The following AKAP8 variants were observed in gnomAD, a reference collection of about 807,000 sequenced individuals.
AKAP8 encodes the protein A-kinase anchoring protein 8.
A neutral mutation model predicts 67.5 loss-of-function variants in AKAP8; 24 were observed. That is an observed-to-expected ratio of 0.36 (90% confidence interval 0.26 to 0.50). The LOEUF (loss-of-function observed/expected upper bound fraction) is 0.50, where lower values mean the gene tolerates loss of function less well. Among genes scored for constraint, AKAP8 ranks in the 20% least tolerant of loss-of-function variants. AKAP8 has a pLI of 0.97. For synonymous variants in AKAP8, 400 were observed against 371.1 expected (o/e 1.08, Z -0.90); for missense variants, 971 against 955.9 (o/e 1.02, Z -0.21).
chr19:15,367,148 C>T (rs949774240), intron 9 of AKAP8, among the ~76,000 whole-genome samples: 2 of 152,210 alleles, frequency 1.3e-5, no homozygotes, highest in Non-Finnish European at 1.5e-5. Context: ...CTCAAGCGAT[C>T]CGCCAGCTCA....
intron 8 of AKAP8, 124 bp downstream of exon 8, chr19:15,370,022 G>GC: frequency 8.4e-7 from 1 of 1,194,650 alleles, no homozygotes; most frequent in Non-Finnish European, 1.2e-6. Flanking sequence ...GGTGGCTGCA[G>GC]CCCCTCTTCC....
At chr19:15,360,705 A>C in intron 12 of AKAP8, 143 bp downstream of exon 12, 1 of 1,074,652 alleles carries the variant, frequency 9.3e-7, no homozygotes, top group Non-Finnish European at 1.3e-6. Context: ...ATTGAGACGA[A>C]TCTTACGACC....
chr19:15,379,702 C>T lies in AKAP8; in HGVS notation c.19+11G>A, dbSNP rs1226749367. On this transcript the variant is annotated intron_variant, in intron 1 of 13. Transcript: ENST00000269701. ...TCCCTCCCCGCTCCGCACCCAGCAG[C>T]CAACACAAACCTCCGTAGCCCTGGT... 1 of 1,609,182 alleles carries T rather than the reference C, an allele frequency of 6.2e-7. No homozygotes were observed. The highest frequency in any genetic ancestry group is 2.3e-5 in the East Asian group (1 of 44,402).
At position 15,373,331 on chromosome 19, in the gene AKAP8, G is replaced by T. The variant is rs1297501890; in HGVS notation, c.381C>A (p.Arg127=). 1 of 1,606,554 alleles carries T rather than the reference G, an allele frequency of 6.2e-7. No individual in the cohort carries two copies. The highest frequency in any genetic ancestry group is 8.5e-7 in the Non-Finnish European group (1 of 1,176,176). Residue 127 remains arginine, a synonymous_variant, in exon 5 of 14, where the codon CGC becomes CGA. Transcript: ENST00000269701. ...EGIQDRESSF[R]FQPFESYDSR... ...AGTCATAGGACTCGAACGGCTGGAA[G>T]CGGAAGGAGCTGCAACAGAAGCACA...
intron 6 of AKAP8, 57 bp downstream of exon 6, chr19:15,372,161 C>T: frequency 6.2e-7 from 1 of 1,609,532 alleles, no homozygotes; most frequent in Non-Finnish European, 8.5e-7. Context: ...GCAGAGCCCC[C>T]AGCAGGCAGC....
chr19:15,379,443 GC>G (rs936785154), intron 1 of AKAP8: 16 of 452,526 alleles, frequency 3.5e-5, no homozygotes, highest in Non-Finnish European at 6.2e-5. Context: ...TGTCTAAGAC[GC>G]CCCCACGAAG....
At chr19:15,372,096 C>T in intron 6 of AKAP8, 98 bp from the exon 7 acceptor site, 1 of 1,608,408 alleles carries the variant, frequency 6.2e-7, no homozygotes, top group Non-Finnish European at 8.5e-7. Flanking sequence ...TCTGCCCTGA[C>T]CACAGTGGGG....
chr19:15,368,488 G>A (rs1967104607), intron 8 of AKAP8, 166 bp from the exon 9 acceptor site: 1 of 985,162 alleles, frequency 1.0e-6, no homozygotes, highest in Admixed American at 6.2e-5. Flanking sequence ...AGAGACTCCT[G>A]GTGGACACGG....
At chr19:15,365,728 G>C (rs1416391022) in intron 9 of AKAP8, among the ~76,000 whole-genome samples, 1 of 152,112 alleles carries the variant, frequency 6.6e-6, no homozygotes, top group African/African-American at 2.4e-5. Context: ...GTCCCTTCGA[G>C]ATCCTCAGTC....
At chr19:15,363,780 G>C (rs1311423117) in intron 9 of AKAP8, among the ~76,000 whole-genome samples, 1 of 152,210 alleles carries the variant, frequency 6.6e-6, no homozygotes, top group African/African-American at 2.4e-5. Flanking sequence ...GAAAGAGGTA[G>C]ACGTGGGAGA....
At chr19:15,372,453 T>A in intron 5 of AKAP8, 106 bp from the exon 6 acceptor site, 1 of 1,450,394 alleles carries the variant, frequency 6.9e-7, no homozygotes, top group South Asian at 1.3e-5. Flanking sequence ...GCACAAAAGG[T>A]CTTTTCAAAA....
intron 8 of AKAP8, chr19:15,368,714 T>C: frequency 1.0e-6 from 1 of 985,320 alleles, no homozygotes; most frequent in East Asian, 1.1e-4. Flanking sequence ...AGGCGGCAGC[T>C]GAAGGCCTCA....
intron 8 of AKAP8, chr19:15,368,957 C>T (rs1450428938): frequency 8.1e-6 from 8 of 985,832 alleles, no homozygotes; most frequent in South Asian, 9.4e-5. Context: ...GTCCGTCCCC[C>T]GGGGCCAGCA....
At chr19:15,358,943 T>C in intron 13 of AKAP8, 24 bp downstream of exon 13, 11 of 1,605,988 alleles carry the variant, frequency 6.8e-6, no homozygotes, top group South Asian at 1.1e-5. Context: ...GCTTTTCCTG[T>C]CTGTGGTACT....
At chr19:15,360,557 C>T (rs929946421) in intron 12 of AKAP8, among the ~76,000 whole-genome samples, 1 of 152,188 alleles carries the variant, frequency 6.6e-6, no homozygotes, top group Non-Finnish European at 1.5e-5. Context: ...TTTCAATGGC[C>T]CTTCGGTCTC....
At chr19:15,363,609 G>A (rs1159138519) in intron 9 of AKAP8, among the ~76,000 whole-genome samples, 1 of 151,474 alleles carries the variant, frequency 6.6e-6, no homozygotes, top group Admixed American at 6.6e-5. Flanking sequence ...CGCCCCTACT[G>A]GGAAGTGAGG....
chr19:15,354,962 C>A lies in AKAP8; in HGVS notation c.2032G>T (p.Val678Leu), dbSNP rs1305220315. 6.2e-7 allele frequency: 1 copy of A among 1,614,226 alleles called. No homozygotes were observed. The highest frequency in any genetic ancestry group is 1.7e-5 in the Admixed American group (1 of 60,028). ...TTAGACTCTGCATCAGTTTGTTCCA[C>A]TTCAGCATCCGCGGCAGCTGGGGCA... ...APAPAAADAE[V>L]EQTDAESKDA... The change falls in exon 14 of 14, where the codon GTG becomes TTG. Residue 678 changes from valine to leucine, a missense_variant. Physicochemically the swap from Val to Leu is conservative, Grantham distance 32. Transcript: ENST00000269701.
intron 13 of AKAP8, among the ~76,000 whole-genome samples, chr19:15,357,159 C>G (rs1966895115): frequency 6.6e-6 from 1 of 151,464 alleles, no homozygotes; most frequent in African/African-American, 2.4e-5. Flanking sequence ...TGGGGTTTCA[C>G]CATCTTGGCC....
chr19:15,368,847 C>CT, intron 8 of AKAP8: 1 of 985,286 alleles, frequency 1.0e-6, no homozygotes, highest in Non-Finnish European at 1.2e-6. Context: ...GGCCCGACCT[C>CT]TATCTTCCAC....
Sources: gnomAD v4.1 joint callset for allele counts (sites outside exome capture counted in the v4.1 genomes callset) on GRCh38, gnomAD v4.1.1 for gene constraint, MANE v1.5 for transcripts, NCBI Gene and HGNC (gene_info 2026-07-23, HGNC 2026-07-21) for gene names.